The following LIPC variants were observed in gnomAD, a reference collection of about 807,000 sequenced individuals.
LIPC encodes hepatic triacylglycerol lipase.
In LIPC, 44 loss-of-function variants were observed where a neutral mutation model predicts 50.7. The observed-to-expected ratio is 0.87, with a 90% CI of 0.68 to 1.11. The LOEUF (loss-of-function observed/expected upper bound fraction) is 1.11. LIPC is among the 50% of genes most tolerant of loss of function. LIPC has a pLI of 0.00. For missense variants in LIPC, 697 were observed against 648.2 expected (o/e 1.08, Z -0.82); for synonymous variants, 271 against 256.4 (o/e 1.06, Z -0.54).
intron 8 of LIPC, chr15:58,565,253 CTT>C: frequency 1.3e-6 from 2 of 1,535,720 alleles, no homozygotes; most frequent in East Asian, 4.9e-5. Context: ...TCACATGACT[CTT>C]TGGCCCATTG....
chr15:58,557,070 T>C (rs1357642151), intron 6 of LIPC, among the ~76,000 whole-genome samples: 2 of 152,172 alleles, frequency 1.3e-5, no homozygotes, highest in Non-Finnish European at 2.9e-5. Context: ...TTAACTGAAA[T>C]CTCTTTCCAC....
chr15:58,508,228 G>T (rs1477537778), intron 1 of LIPC, among the ~76,000 whole-genome samples: 1 of 151,810 alleles, frequency 6.6e-6, no homozygotes, highest in Non-Finnish European at 1.5e-5. Context: ...GAGAGATGGG[G>T]TAGGGCCAAG....
chr15:58,540,633 G>A (rs1566944004), intron 2 of LIPC, among the ~76,000 whole-genome samples: 1 of 152,062 alleles, frequency 6.6e-6, no homozygotes, highest in Non-Finnish European at 1.5e-5. Context: ...CTATTGTCAA[G>A]CCTTCACCTC....
intron 1 of LIPC, among the ~76,000 whole-genome samples, chr15:58,499,058 C>A (rs572557340): frequency 1.3e-5 from 2 of 152,156 alleles, no homozygotes; most frequent in Non-Finnish European, 2.9e-5. Context: ...CAGGATTACT[C>A]GGCACAAGAG....
intron 1 of LIPC, among the ~76,000 whole-genome samples, chr15:58,441,384 C>T (rs1414135001): frequency 6.6e-6 from 1 of 152,098 alleles, no homozygotes; most frequent in East Asian, 1.9e-4. Context: ...TTGGAAATTC[C>T]ACGTCATACT....
In LIPC at chr15:58,541,788, G is replaced by C; in HGVS notation, c.277G>C (p.Asp93His). The change falls in exon 3 of 9, where the codon GAC becomes CAC. Residue 93 changes from aspartate to histidine, a missense_variant. By Grantham distance (81) the Asp-to-His change is moderately conservative. Coordinates refer to ENST00000299022, the MANE Select transcript of LIPC (RefSeq NM_000236.3). ...LVMIIHGWSV[D>H]GVLENWIWQM... ...CCTCCCTCTGTCCCCTCCTCAGGTG[G>C]ACGGCGTGCTAGAAAACTGGATCTG... The C allele has an allele frequency of 6.2e-7, 1 of 1,613,390 alleles. No individual in the cohort carries two copies. The highest frequency in any genetic ancestry group is 8.5e-7 in the Non-Finnish European group (1 of 1,179,892).
At chr15:58,488,238 C>T (rs142527360) in intron 1 of LIPC, among the ~76,000 whole-genome samples, 10 of 152,326 alleles carry the variant, frequency 6.6e-5, no homozygotes, top group African/African-American at 2.4e-4. Context: ...CCACTACTCC[C>T]AAGCCTGGGC....
intron 1 of LIPC, among the ~76,000 whole-genome samples, chr15:58,459,212 G>A (rs1380636895): frequency 2.0e-5 from 3 of 152,072 alleles, no homozygotes; most frequent in African/African-American, 2.4e-5. Context: ...ACTGCAAGAC[G>A]ACCTCTGGGT....
chr15:58,437,097 C>G (rs1329241170), intron 1 of LIPC, among the ~76,000 whole-genome samples: 1 of 152,264 alleles, frequency 6.6e-6, no homozygotes, highest in Non-Finnish European at 1.5e-5. Context: ...GTCACAGAAA[C>G]TTTTGGGGGC....
rs41292492 is a variant in LIPC at position 58,487,683 on chromosome 15, T to C, written c.89-50650T>C. 7.9e-3 allele frequency among the ~76,000 whole-genome samples: 1,206 copies of C among 152,336 alleles called. 12 individuals carry two copies. The highest frequency in any genetic ancestry group is 0.014 in the Non-Finnish European group (931 of 68,030). ...AAATAGCTTTCTGTAGAGTGGGGAC[T>C]GAAATTAACAGGCAATTAGCAAGTT... On this transcript the variant is annotated intron_variant, in intron 1 of 8. Transcript: ENST00000299022.
At chr15:58,449,324 C>T (rs1893818595) in intron 1 of LIPC, among the ~76,000 whole-genome samples, 1 of 152,236 alleles carries the variant, frequency 6.6e-6, no homozygotes, top group Non-Finnish European at 1.5e-5. Context: ...CTAAGATCCA[C>T]AGCAGAGGTG....
intron 1 of LIPC, among the ~76,000 whole-genome samples, chr15:58,442,599 A>AT (rs1893544706): frequency 6.6e-6 from 1 of 152,240 alleles, no homozygotes; most frequent in Non-Finnish European, 1.5e-5. Flanking sequence ...TTTTAAGAAT[A>AT]TTTAAATGTG....
intron 1 of LIPC, among the ~76,000 whole-genome samples, chr15:58,526,383 G>C (rs769415130): frequency 6.6e-6 from 1 of 152,160 alleles, no homozygotes; most frequent in Non-Finnish European, 1.5e-5. Flanking sequence ...TTGGCTCCTC[G>C]AGGTGCCTGA....
Sources: allele counts gnomAD v4.1 joint callset (sites outside exome capture counted in the v4.1 genomes callset), GRCh38; gene constraint gnomAD v4.1.1; transcripts MANE v1.5; gene names NCBI Gene and HGNC (gene_info 2026-07-23, HGNC 2026-07-21).